SPATA6: variants seen among roughly 807,000 people sequenced by gnomAD.
SPATA6 encodes the protein spermatogenesis-associated protein 6.
A neutral mutation model predicts 65.3 loss-of-function variants in SPATA6; 56 were observed. That is an observed-to-expected ratio of 0.86 (90% confidence interval 0.69 to 1.07). The LOEUF is 1.07. Ranked by LOEUF, SPATA6 falls within the 50% of genes least tolerant of loss-of-function variation. The pLI, the probability that SPATA6 is intolerant of heterozygous loss-of-function variation, is 0.00. For synonymous variants in SPATA6, 199 were observed against 213.2 expected, an observed-to-expected ratio of 0.93 and a Z score of 0.58; for missense variants, 590 against 594.8, an observed-to-expected ratio of 0.99 and a Z score of 0.08.
chr1:48,436,163 G>A (rs1007845306), intron 3 of SPATA6: 3 of 1,610,558 alleles, frequency 1.9e-6, no homozygotes, highest in African/African-American at 1.3e-5. Context: ...GAAACAGGAA[G>A]AGGATTTGAC....
chr1:48,313,534 C>T (rs1295667212), intron 11 of SPATA6, among the ~76,000 whole-genome samples: 1 of 152,032 alleles, frequency 6.6e-6, no homozygotes. Flanking sequence ...TAAAAGAGCT[C>T]CTGAAGGAAG....
intron 9 of SPATA6, among the ~76,000 whole-genome samples, chr1:48,371,392 TTTA>T (rs1647273782): frequency 1.3e-5 from 2 of 152,276 alleles, no homozygotes. Flanking sequence ...GCAAATAATA[TTTA>T]TTTTTTATTT....
intron 9 of SPATA6, among the ~76,000 whole-genome samples, chr1:48,368,538 A>T (rs1647113130): frequency 6.6e-6 from 1 of 151,886 alleles, no homozygotes; most frequent in Non-Finnish European, 1.5e-5. Flanking sequence ...GCTTCATTTC[A>T]TTCATTTCAT....
At chr1:48,275,738 T>C in the SPATA6 span, among the ~76,000 whole-genome samples, 72 of 152,222 alleles carry the variant, frequency 4.7e-4, no homozygotes, top group Non-Finnish European at 9.8e-4. Flanking sequence ...ATAAGCTTTT[T>C]GATGTGCTGC....
chr1:48,387,939 G>A (rs1649653896), intron 8 of SPATA6, among the ~76,000 whole-genome samples: 1 of 152,234 alleles, frequency 6.6e-6, no homozygotes, highest in South Asian at 2.1e-4. Context: ...ATGCCACACT[G>A]GCTACCCAGA....
At chr1:48,400,665 T>C in intron 6 of SPATA6, 1 of 599,670 alleles carries the variant, frequency 1.7e-6, no homozygotes, top group Non-Finnish European at 2.5e-6. Context: ...GTGAATAGGA[T>C]GAAGAAGAGT....
intron 12 of SPATA6, among the ~76,000 whole-genome samples, chr1:48,303,240 A>C (rs1327103758): frequency 6.6e-6 from 1 of 152,152 alleles, no homozygotes; most frequent in Admixed American, 6.6e-5. Context: ...TAATTAGGAT[A>C]TCACCTCAAA....
Position 48,315,158 on chromosome 1 carries a change from C to T in SPATA6, c.1195-9280G>A, listed in dbSNP as rs937514544. On this transcript the variant is annotated intron_variant, in intron 11 of 12. Transcript: ENST00000371847. ...TTCCTTCTGAAACTATTCCAATCAA[C>T]ACAAAAAGAGGGAATCCTCCCTAAC... Among the ~76,000 whole-genome samples, 10 of 152,160 alleles carry T rather than the reference C, an allele frequency of 6.6e-5. No individual in the cohort carries two copies. In the East Asian group the frequency reaches 1.9e-3, roughly 29 times the overall value.
At chr1:48,330,216 G>A (rs1029590857) in intron 11 of SPATA6, among the ~76,000 whole-genome samples, 1 of 152,160 alleles carries the variant, frequency 6.6e-6, no homozygotes, top group Non-Finnish European at 1.5e-5. Flanking sequence ...CCAGCCCAGA[G>A]GTCCCACTTT....
the SPATA6 span, among the ~76,000 whole-genome samples, chr1:48,263,604 G>A: frequency 6.6e-6 from 1 of 151,896 alleles, no homozygotes; most frequent in African/African-American, 2.4e-5. Flanking sequence ...ATTGCAATTC[G>A]ACCTGTCCTT....
In SPATA6 at chr1:48,297,681, G is replaced by A. The variant is rs1425074625; in HGVS notation, c.*1032C>T. The A allele has an allele frequency of 6.6e-6, 1 of 151,986 alleles. No homozygotes were observed. The highest frequency in any genetic ancestry group is 1.5e-5 in the Non-Finnish European group (1 of 67,996). 9.4% of individuals were successfully genotyped at this position (151,986 alleles called of 1,614,324 possible). A position where few individuals can be genotyped will look rare whatever the true frequency, so the allele number is the denominator to read the frequency against. On this transcript the variant is annotated 3_prime_UTR_variant, in exon 13 of 13. Transcript: ENST00000371847. ...CTCACTCTCTATTAAATATAAAGTA[G>A]CTGATTTCTTTATGTCTTTATAGTA... is the stretch of plus-strand genomic sequence containing the variant.
chr1:48,275,508 C>A, the SPATA6 span, among the ~76,000 whole-genome samples: 57 of 151,982 alleles, frequency 3.8e-4, no homozygotes, highest in Non-Finnish European at 6.6e-4. Context: ...TTTTGAGATA[C>A]GTCCCATCAA....
At chr1:48,286,577 T>C in the SPATA6 span, among the ~76,000 whole-genome samples, 4 of 152,328 alleles carry the variant, frequency 2.6e-5, no homozygotes, top group South Asian at 2.1e-4. Context: ...TTTCTATATA[T>C]ATGATCATGC....
chr1:48,337,387 T>C (rs1290420159), intron 11 of SPATA6, among the ~76,000 whole-genome samples: 3 of 151,746 alleles, frequency 2.0e-5, no homozygotes, highest in Non-Finnish European at 4.4e-5. Flanking sequence ...TGACAAAGAA[T>C]ACCCACAAGA....
At chr1:48,364,738 T>C (rs1646940146) in intron 9 of SPATA6, among the ~76,000 whole-genome samples, 2 of 152,130 alleles carry the variant, frequency 1.3e-5, no homozygotes, top group South Asian at 2.1e-4. Context: ...TTTTCACCCA[T>C]TTTGTAGGTT....
In SPATA6 at chr1:48,452,979, G is replaced by C. The variant is rs754380663; in HGVS notation, c.189+15C>G. On this transcript the variant is annotated intron_variant, in intron 2 of 12. Transcript: ENST00000371847. ...TGTTTTGTTTGTTAATACTTGATCT[G>C]ATATTTGAACTCACCTTTTCAAACA... The C allele has an allele frequency of 6.2e-7, 1 of 1,607,998 alleles. No individual in the cohort carries two copies. Among genetic ancestry groups the C allele is most frequent in the Non-Finnish European group, 8.5e-7 (1 of 1,178,412 alleles).
chr1:48,391,635 C>G (rs766761248), intron 8 of SPATA6, among the ~76,000 whole-genome samples: 5 of 152,010 alleles, frequency 3.3e-5, no homozygotes, highest in Non-Finnish European at 5.9e-5. Flanking sequence ...ACCAATTAGT[C>G]ACAAACTATA....
chr1:48,337,276 T>G (rs985255241), intron 11 of SPATA6, among the ~76,000 whole-genome samples: 2 of 151,740 alleles, frequency 1.3e-5, no homozygotes, highest in African/African-American at 4.8e-5. Context: ...AAATAAGGAG[T>G]GGTAGCAGAA....
chr1:48,312,977 C>T (rs1051344199), intron 11 of SPATA6, among the ~76,000 whole-genome samples: 1 of 150,780 alleles, frequency 6.6e-6, no homozygotes, highest in African/African-American at 2.4e-5. Flanking sequence ...TGACATGAAG[C>T]GAGAAGTTTA....
Sources: gnomAD v4.1 joint callset for allele counts (sites outside exome capture counted in the v4.1 genomes callset) on GRCh38, gnomAD v4.1.1 for gene constraint, MANE v1.5 for transcripts, NCBI Gene and HGNC (gene_info 2026-07-23, HGNC 2026-07-21) for gene names.